WHRN: variants seen among roughly 807,000 people sequenced by gnomAD.
WHRN encodes the protein CASK-interacting protein CIP98.
In WHRN, 41 loss-of-function variants were observed where a neutral mutation model predicts 68.3. That is an observed-to-expected ratio of 0.60 (90% CI 0.47 to 0.78). The LOEUF is 0.78. Among genes scored for constraint, WHRN ranks in the 30% least tolerant of loss-of-function variants. WHRN has a pLI of 0.00. For missense variants in WHRN, 1,243 were observed against 1,244.7 expected (o/e 1.00, Z 0.02); for synonymous variants, 560 against 561.3 (o/e 1.00, Z 0.03).
Position 114,402,924 on chromosome 9 carries a change from C to G in WHRN, c.2554G>C (p.Ala852Pro). ...RIVTIQRGGS[A>P]HNCGQLKVGH... ...ACCTTGAGCTGCCCACAGTTGTGAG[C>G]TGAGCCGCCTCTCTGCAGGGAGGAG... is the stretch of plus-strand genomic sequence containing the variant. Residue 852 changes from alanine (A) to proline (P), a missense_variant, in exon 12 of 12, where the codon GCT (alanine) becomes CCT (proline). Coordinates refer to ENST00000362057, the MANE Select transcript of WHRN (RefSeq NM_015404.4). 6.2e-7 allele frequency: 1 copy of G among 1,610,534 alleles called. No individual in the cohort carries two copies. The highest frequency in any genetic ancestry group is 8.5e-7 in the Non-Finnish European group (1 of 1,178,826).
At chr9:114,488,156 T>C (rs542152392) in intron 1 of WHRN, among the ~76,000 whole-genome samples, 28 of 152,334 alleles carry the variant, frequency 1.8e-4, no homozygotes, top group Middle Eastern at 3.4e-3. Flanking sequence ...GACAAGTTAC[T>C]TAACTTCTCT....
rs1468106273 is a variant in WHRN, at chr9:114,496,551, C to CA, written c.618+7632dup. Among the ~76,000 whole-genome samples, 4 of 151,712 alleles carry CA rather than the reference C, an allele frequency of 2.6e-5. No individual in the cohort carries two copies. In the South Asian group the frequency reaches 6.2e-4, roughly 24 times the overall value. The stretch of plus-strand genomic sequence containing the variant: ...CCAACCAACCAACCAAACAAACAAA[C>CA]AAAAAAACTAAGCAGGCATAACAGA... On this transcript the variant is annotated intron_variant, in intron 1 of 11. Transcript: ENST00000362057.
chr9:114,462,641 G>A (rs1449055887), intron 3 of WHRN, among the ~76,000 whole-genome samples: 1 of 152,204 alleles, frequency 6.6e-6, no homozygotes, highest in Non-Finnish European at 1.5e-5. Flanking sequence ...ACTGAGGACT[G>A]ACAGGCGCTA....
chr9:114,495,385 G>T (rs937465278), intron 1 of WHRN, among the ~76,000 whole-genome samples: 1 of 152,202 alleles, frequency 6.6e-6, no homozygotes, highest in Non-Finnish European at 1.5e-5. Flanking sequence ...TGGTGGTGAC[G>T]GGGAAGAGGG....
chr9:114,451,328 T>C (rs1389971760), intron 3 of WHRN, among the ~76,000 whole-genome samples: 1 of 152,104 alleles, frequency 6.6e-6, no homozygotes, highest in African/African-American at 2.4e-5. Flanking sequence ...AAAATATGTT[T>C]TGGGGCAAGC....
Position 114,478,494 on chromosome 9 carries a change from G to A in WHRN, c.837+59C>T, listed in dbSNP as rs1215565200. 1.9e-6 allele frequency: 3 copies of A among 1,587,572 alleles called. No individual in the cohort carries two copies. The East Asian group carries it at 6.7e-5, about 36-fold the overall frequency. On this transcript the variant is annotated intron_variant, in intron 2 of 11. Coordinates refer to ENST00000362057, the MANE Select transcript of WHRN (RefSeq NM_015404.4). The stretch of plus-strand genomic sequence containing the variant: ...GGCCTCCAAGCAGCTCTGCTGTTCT[G>A]GGTTCGGAGGGAGAATACGGTGTCT...
At chr9:114,407,906 C>G (rs760931860) in intron 8 of WHRN, 41 bp downstream of exon 8, 12 of 1,543,322 alleles carry the variant, frequency 7.8e-6, no homozygotes, top group South Asian at 2.3e-5. Context: ...GACCTGAGCA[C>G]ACCAGGGAGA....
rs115582514 is a variant in WHRN at position 114,500,035 on chromosome 9, A to G, written c.618+4149T>C. Among the ~76,000 whole-genome samples the G allele has an allele frequency of 2.8e-3, 420 of 152,350 alleles. 2 individuals carry two copies. The highest frequency in any genetic ancestry group is 9.6e-3 in the African/African-American group (400 of 41,572). ...AATGCTTCTTTGATTTAAAGAGTAA[A>G]TAACCAGATGAAAGAGGATTTTGTC... On this transcript the variant is annotated intron_variant, in intron 1 of 11. Transcript: ENST00000362057.
chr9:114,433,254 G>A lies in WHRN; in HGVS notation c.964-6841C>T, dbSNP rs569007901. Among the ~76,000 whole-genome samples, 4 of 152,342 alleles carry A rather than the reference G, an allele frequency of 2.6e-5. No homozygotes were observed. The South Asian group carries it at 8.3e-4, about 32-fold the overall frequency. On this transcript the variant is annotated intron_variant, in intron 3 of 11. Coordinates refer to ENST00000362057, the MANE Select transcript of WHRN (RefSeq NM_015404.4). Reference sequence around the variant, plus strand: ...AGGGAACTGGCAGGAAGAACCTGTGGCGGAATGGCAGTAGCTTCGAGCTCC... The same window carrying A: ...AGGGAACTGGCAGGAAGAACCTGTGACGGAATGGCAGTAGCTTCGAGCTCC...
intron 1 of WHRN, among the ~76,000 whole-genome samples, chr9:114,497,841 C>G (rs1357622373): frequency 1.3e-5 from 2 of 152,150 alleles, no homozygotes; most frequent in Non-Finnish European, 2.9e-5. Flanking sequence ...AATGTTGCCA[C>G]ACCTAGTAGT....
intron 1 of WHRN, among the ~76,000 whole-genome samples, chr9:114,486,393 T>C (rs532392040): frequency 5.3e-5 from 8 of 152,286 alleles, no homozygotes; most frequent in Admixed American, 2.0e-4. Flanking sequence ...AGGCTCTGAG[T>C]CACATTCGTG....
intron 1 of WHRN, among the ~76,000 whole-genome samples, chr9:114,495,437 G>A (rs1843373021): frequency 2.0e-5 from 3 of 152,214 alleles, no homozygotes; most frequent in Admixed American, 2.0e-4. Context: ...AAAGCCTGGA[G>A]AGTCCAGCCT....
At chr9:114,433,197 C>A (rs1386071689) in intron 3 of WHRN, among the ~76,000 whole-genome samples, 3 of 152,224 alleles carry the variant, frequency 2.0e-5, no homozygotes, top group Non-Finnish European at 4.4e-5. Flanking sequence ...TTAGGCCATG[C>A]ACTCAGTAGG....
At chr9:114,456,376 T>C (rs1224412084) in intron 3 of WHRN, among the ~76,000 whole-genome samples, 1 of 147,038 alleles carries the variant, frequency 6.8e-6, no homozygotes, top group African/African-American at 2.5e-5. Context: ...CTCTTACAAA[T>C]GATTTCCATA....
intron 11 of WHRN, 89 bp from the exon 12 acceptor site, chr9:114,403,025 A>G (rs1339221416): frequency 3.2e-6 from 5 of 1,540,384 alleles, no homozygotes; most frequent in Non-Finnish European, 4.4e-6. Flanking sequence ...AACACTGCCA[A>G]GCAGGCAGCT....
chr9:114,504,088 G>A, intron 1 of WHRN, 96 bp downstream of exon 1: 1 of 1,546,632 alleles, frequency 6.5e-7, no homozygotes. Flanking sequence ...GAAAGGCCAA[G>A]TGATTCATCT....
At chr9:114,440,330 G>C (rs1218354752) in intron 3 of WHRN, among the ~76,000 whole-genome samples, 1 of 152,160 alleles carries the variant, frequency 6.6e-6, no homozygotes, top group African/African-American at 2.4e-5. Context: ...TCTGCCTCCT[G>C]GTTTCAAGTG....
Position 114,409,376 on chromosome 9 carries a change from T to C in WHRN, c.1627-1358A>G, listed in dbSNP as rs370706988. ...GCATATAATGCAATCGGGGGAGGGG[T>C]TACCACGGAAGGCTTCCTGGAGGAC... On this transcript the variant is annotated intron_variant, in intron 7 of 11. Coordinates refer to ENST00000362057, the MANE Select transcript of WHRN (RefSeq NM_015404.4). 3.1e-3 allele frequency among the ~76,000 whole-genome samples: 477 copies of C among 152,050 alleles called. 1 individual carries two copies. The highest frequency in any genetic ancestry group is 5.3e-3 in the Non-Finnish European group (362 of 67,974).
At chr9:114,461,597 A>G (rs1227012968) in intron 3 of WHRN, among the ~76,000 whole-genome samples, 3 of 152,186 alleles carry the variant, frequency 2.0e-5, no homozygotes, top group Admixed American at 2.0e-4. Flanking sequence ...GTTCAGCCAC[A>G]TGGGCCTTCC....
Sources: gnomAD v4.1 joint callset for allele counts (sites outside exome capture counted in the v4.1 genomes callset) on GRCh38, gnomAD v4.1.1 for gene constraint, MANE v1.5 for transcripts, NCBI Gene and HGNC (gene_info 2026-07-23, HGNC 2026-07-21) for gene names.